Variants in ARHGEF10L observed in about 807,000 individuals in gnomAD.
ARHGEF10L encodes Rho guanine nucleotide exchange factor 10 like.
Under a neutral mutation model 141.2 loss-of-function variants are expected in ARHGEF10L, and 69 were observed. The ratio of observed to expected loss-of-function variants is 0.49; its 90% CI spans 0.40 to 0.60. ARHGEF10L has a LOEUF of 0.60. Ranked by LOEUF, ARHGEF10L falls within the 20% of genes least tolerant of loss-of-function variation. ARHGEF10L has a pLI of 0.00. For missense variants in ARHGEF10L, 1,482 were observed against 1,734.3 expected (o/e 0.85, Z 2.58); for synonymous variants, 711 against 718.5 (o/e 0.99, Z 0.17).
intron 8 of ARHGEF10L, 78 bp downstream of exon 8, chr1:17,613,252 C>T (rs978379534): frequency 2.2e-5 from 27 of 1,250,918 alleles, no homozygotes; most frequent in South Asian, 2.7e-5. Context: ...TTTCCTGCTG[C>T]CCTGGTACCA....
At chr1:17,635,844 C>T (rs1017102857) in intron 18 of ARHGEF10L, among the ~76,000 whole-genome samples, 8 of 152,094 alleles carry the variant, frequency 5.3e-5, no homozygotes, top group Admixed American at 2.6e-4. Context: ...CCCTGGTGCC[C>T]GAGGCATCTT....
chr1:17,634,243 A>T (rs2060865954), intron 16 of ARHGEF10L: 1 of 518,692 alleles, frequency 1.9e-6, no homozygotes, highest in South Asian at 2.3e-5. Context: ...GTGGGGTGCT[A>T]GTGGCCCGGT....
chr1:17,654,616 T>G lies in ARHGEF10L; in HGVS notation c.2395-20T>G, dbSNP rs2062119132. 2 of 1,610,816 alleles carry G rather than the reference T, an allele frequency of 1.2e-6. No homozygotes were observed. Among genetic ancestry groups the G allele is most frequent in the African/African-American group, 2.7e-5 (2 of 74,870 alleles). ...GCACCTTGATGATTAACCTCACATG[T>G]ACCGTCTCTGTCTCTGCAGCTTGGG... On this transcript the variant is annotated intron_variant, in intron 22 of 28. Transcript: ENST00000361221. The surrounding 1 kb of genome is among the most constrained non-coding windows in gnomAD (Gnocchi z 4.3).
rs1207866031 is a variant in ARHGEF10L at position 17,697,568 on chromosome 1, G to C, written c.*188G>C. On this transcript the variant is annotated 3_prime_UTR_variant, in exon 29 of 29. Transcript: ENST00000361221. The surrounding 1 kb of genome is among the most constrained non-coding windows in gnomAD (Gnocchi z 4.8). ...CAGAGTGTTTTGGGGAGGAGTTTTA[G>C]GGCTTGGGGAGAGGGAGGACACATC... 1.3e-6 allele frequency: 1 copy of C among 758,920 alleles called. No individual in the cohort carries two copies. The highest frequency in any genetic ancestry group is 2.2e-6 in the Non-Finnish European group (1 of 462,652). The allele number at this position is 758,920 out of a possible 1,614,324, so 47.0% of individuals were successfully genotyped here. A position where few individuals can be genotyped will look rare whatever the true frequency, so the allele number is the denominator to read the frequency against.
chr1:17,606,546 A>C (rs2081190412), intron 6 of ARHGEF10L, among the ~76,000 whole-genome samples: 1 of 151,584 alleles, frequency 6.6e-6, no homozygotes, highest in Non-Finnish European at 1.5e-5. Context: ...CACCCATCTC[A>C]GCCTCCCAAA....
intron 27 of ARHGEF10L, chr1:17,694,201 G>A (rs1176760980): frequency 6.6e-6 from 1 of 152,222 alleles, no homozygotes; most frequent in Admixed American, 6.5e-5. Flanking sequence ...GTAAAAATAC[G>A]GTCCTATAGG....
At chr1:17,634,743 G>A (rs2060899828) in intron 17 of ARHGEF10L, 92 bp from the exon 18 acceptor site, 2 of 1,471,866 alleles carry the variant, frequency 1.4e-6, no homozygotes, top group Non-Finnish European at 9.1e-7. Context: ...GTGAAGCCTG[G>A]CTGAGCTGGT....
chr1:17,597,340 C>CGGCAG (rs1216366746), intron 4 of ARHGEF10L, among the ~76,000 whole-genome samples: 1 of 152,108 alleles, frequency 6.6e-6, no homozygotes, highest in Non-Finnish European at 1.5e-5. Flanking sequence ...GAATTAGACA[C>CGGCAG]GGCAGCCCTG....
At position 17,633,108 on chromosome 1, in the gene ARHGEF10L, A is replaced by G. The variant is rs185793214; in HGVS notation, c.1730+642A>G. Among the ~76,000 whole-genome samples, 57 of 152,292 alleles carry G rather than the reference A, an allele frequency of 3.7e-4. 2 individuals are homozygous for G. The highest frequency in any genetic ancestry group is 1.3e-4 in the Admixed American group (2 of 15,310). The stretch of plus-strand genomic sequence containing the variant: ...ACAGGGAGCCCACACCATGGGTGAG[A>G]CATAGGAGAGATCTGACATTCTGGG... On this transcript the variant is annotated intron_variant, in intron 16 of 28. Coordinates refer to ENST00000361221, the MANE Select transcript of ARHGEF10L (RefSeq NM_018125.4).
intron 1 of ARHGEF10L, among the ~76,000 whole-genome samples, chr1:17,572,558 G>T (rs1186164617): frequency 6.6e-6 from 1 of 152,192 alleles, no homozygotes; most frequent in African/African-American, 2.4e-5. Flanking sequence ...TAAGCCAGTG[G>T]TGGAGCCAGG....
At chr1:17,629,076 A>G (rs1000936481) in intron 15 of ARHGEF10L, among the ~76,000 whole-genome samples, 3 of 152,198 alleles carry the variant, frequency 2.0e-5, no homozygotes, top group African/African-American at 7.2e-5. Context: ...GCTGGAGTAC[A>G]GTGGTACAAT....
At chr1:17,688,039 G>A (rs555473397) in intron 27 of ARHGEF10L, among the ~76,000 whole-genome samples, 1 of 152,316 alleles carries the variant, frequency 6.6e-6, no homozygotes, top group East Asian at 1.9e-4. Flanking sequence ...GCTAAGGAAA[G>A]GCCAAGCTGG....
intron 7 of ARHGEF10L, among the ~76,000 whole-genome samples, chr1:17,611,981 A>G (rs1395492392): frequency 6.8e-6 from 1 of 147,186 alleles, no homozygotes; most frequent in African/African-American, 2.4e-5. Context: ...CGGTTTGTCC[A>G]TCCATCCATC....
chr1:17,616,992 G>A (rs114092218), intron 9 of ARHGEF10L, among the ~76,000 whole-genome samples: 112 of 152,290 alleles, frequency 7.4e-4, no homozygotes, highest in Non-Finnish European at 1.1e-3. Context: ...CACACAAGGC[G>A]CACAGAACTC....
At chr1:17,694,777 G>T (rs1445558607) in intron 27 of ARHGEF10L, 3 of 380,770 alleles carry the variant, frequency 7.9e-6, no homozygotes, top group Non-Finnish European at 1.6e-5. Context: ...CCCTGGTTTT[G>T]CTCGTAGCTG....
chr1:17,580,349 G>A (rs1164271171), intron 1 of ARHGEF10L, among the ~76,000 whole-genome samples: 1 of 152,216 alleles, frequency 6.6e-6, no homozygotes, highest in Non-Finnish European at 1.5e-5. Context: ...GGGTTTTCTG[G>A]GAAGAAGGAT....
chr1:17,640,268 G>T lies in ARHGEF10L; in HGVS notation c.2238G>T (p.Trp746Cys). The change falls in exon 21 of 29, where the codon TGG becomes TGT. Residue 746 changes from tryptophan (W) to cysteine (C), a missense_variant. By Grantham distance (215) the Trp-to-Cys change is radical (BLOSUM62 -2). Transcript: ENST00000361221. ...ITPNPLSKIS[W>C]VNRLHLAKIG... ...CCAACCCCCTGAGCAAGATTTCCTG[G>T]GTCAACAGGTTACATTTGGCCAAAA... The T allele has an allele frequency of 6.2e-7, 1 of 1,613,272 alleles. No individual in the cohort carries two copies. The highest frequency in any genetic ancestry group is 1.7e-5 in the Admixed American group (1 of 59,914).
chr1:17,629,227 A>G (rs919005583), intron 15 of ARHGEF10L, among the ~76,000 whole-genome samples: 2 of 147,948 alleles, frequency 1.4e-5, no homozygotes, highest in African/African-American at 5.0e-5. Context: ...GGGTCTCACT[A>G]TGATGCCCAG....
chr1:17,617,113 C>A (rs74540902), intron 9 of ARHGEF10L, among the ~76,000 whole-genome samples: 1 of 152,254 alleles, frequency 6.6e-6, no homozygotes, highest in African/African-American at 2.4e-5. Context: ...GAAGTGAGGG[C>A]GGGCATGATA....
Sources: gnomAD v4.1 joint callset for allele counts (sites outside exome capture counted in the v4.1 genomes callset) on GRCh38, gnomAD v4.1.1 for gene constraint, Gnocchi (gnomAD v3.1) non-coding constraint, MANE v1.5 for transcripts, NCBI Gene and HGNC (gene_info 2026-07-23, HGNC 2026-07-21) for gene names.